PPM1K: variants seen among roughly 807,000 people sequenced by gnomAD.
The protein encoded by PPM1K is protein phosphatase, Mg2+/Mn2+ dependent 1K.
In PPM1K, 19 loss-of-function variants were observed where a neutral mutation model predicts 32.6. The observed-to-expected ratio is 0.58, with a 90% CI of 0.41 to 0.86. PPM1K has a LOEUF of 0.86. Among genes scored for constraint, PPM1K ranks in the 40% least tolerant of loss-of-function variants. The pLI is 0.00. For missense variants in PPM1K, 362 were observed against 461.2 expected (o/e 0.78, Z 1.97); for synonymous variants, 159 against 165.3 (o/e 0.96, Z 0.29).
chr4:88,268,402 C>G, intron 4 of PPM1K, 68 bp from the exon 5 acceptor site: 1 of 1,564,674 alleles, frequency 6.4e-7, no homozygotes, highest in Non-Finnish European at 8.8e-7. Context: ...GAGGGCAGAT[C>G]ACGAGGTCAG....
chr4:88,272,099 G>A (rs1731580594), intron 3 of PPM1K, among the ~76,000 whole-genome samples: 1 of 152,112 alleles, frequency 6.6e-6, no homozygotes, highest in Non-Finnish European at 1.5e-5. Flanking sequence ...ACTCAATTGT[G>A]TAAATAATAC....
chr4:88,272,803 T>C (rs1186615565), intron 3 of PPM1K, among the ~76,000 whole-genome samples: 2 of 152,236 alleles, frequency 1.3e-5, no homozygotes, highest in Non-Finnish European at 2.9e-5. Flanking sequence ...ATTTTGATTT[T>C]ATTCTTTTCA....
chr4:88,262,854 C>G (rs77965104), intron 6 of PPM1K, 128 bp from the exon 7 acceptor site: 12,150 of 901,444 alleles, frequency 0.013, 125 homozygotes, highest in African/African-American at 0.031. Context: ...TGTGCAGTTA[C>G]TAACCTACTT....
At chr4:88,275,322 T>C in intron 3 of PPM1K, 1 of 956,422 alleles carries the variant, frequency 1.0e-6, no homozygotes, top group Non-Finnish European at 1.2e-6. Flanking sequence ...AATTACATTT[T>C]TGTGATTAAT....
At chr4:88,267,577 A>G (rs377483449) in intron 5 of PPM1K, among the ~76,000 whole-genome samples, 1 of 152,258 alleles carries the variant, frequency 6.6e-6, no homozygotes, top group African/African-American at 2.4e-5. Flanking sequence ...AAGTCAAGTC[A>G]CTGAAAAGGC....
intron 2 of PPM1K, 175 bp from the exon 3 acceptor site, chr4:88,277,418 T>C: frequency 1.8e-6 from 1 of 566,230 alleles, no homozygotes; most frequent in East Asian, 2.9e-5. Flanking sequence ...TATCAGGCAC[T>C]GTGATAAGCT....
chr4:88,276,892 A>G, intron 3 of PPM1K: 7 of 897,848 alleles, frequency 7.8e-6, no homozygotes, highest in Non-Finnish European at 1.0e-5. Flanking sequence ...GTACAACATC[A>G]GAACTGTTTC....
chr4:88,273,657 G>C (rs1731649009), intron 3 of PPM1K, among the ~76,000 whole-genome samples: 1 of 151,154 alleles, frequency 6.6e-6, no homozygotes, highest in Non-Finnish European at 1.5e-5. Flanking sequence ...CTCTAGCCTG[G>C]GAGACTAGAG....
chr4:88,276,628 T>C, intron 3 of PPM1K: 1 of 984,902 alleles, frequency 1.0e-6, no homozygotes, highest in Non-Finnish European at 1.2e-6. Context: ...AGAAAAATAT[T>C]TTCCTTCTAG....
Position 88,265,157 on chromosome 4 carries a change from T to TA in PPM1K, c.853-23dup, listed in dbSNP as rs538958746. 2.5e-6 allele frequency: 4 copies of TA among 1,613,754 alleles called. No individual in the cohort carries two copies. In the South Asian group the frequency reaches 4.4e-5, roughly 18 times the overall value. ...GTAACTGCAATCAGAACCAAATGCC[T>TA]ATGATTATAAGCTAGACTCTGCCTT... On this transcript the variant is annotated intron_variant, in intron 5 of 6. Coordinates refer to ENST00000608933, the MANE Select transcript of PPM1K (RefSeq NM_152542.5).
At chr4:88,269,426 G>A (rs1228091941) in intron 3 of PPM1K, among the ~76,000 whole-genome samples, 1 of 152,128 alleles carries the variant, frequency 6.6e-6, no homozygotes, top group Non-Finnish European at 1.5e-5. Context: ...CATGCCAAGG[G>A]TATACCATTT....
intron 3 of PPM1K, among the ~76,000 whole-genome samples, chr4:88,273,733 T>C (rs1201320540): frequency 6.6e-6 from 1 of 150,856 alleles, no homozygotes; most frequent in Non-Finnish European, 1.5e-5. Flanking sequence ...GCATGTTCAA[T>C]ATGTTCCATC....
intron 6 of PPM1K, among the ~76,000 whole-genome samples, chr4:88,264,745 G>A (rs1287605929): frequency 6.6e-6 from 1 of 152,170 alleles, no homozygotes; most frequent in Non-Finnish European, 1.5e-5. Context: ...CACATAGCAA[G>A]TGAATATTAG....
At chr4:88,269,138 C>A (rs1185222111) in intron 3 of PPM1K, among the ~76,000 whole-genome samples, 1 of 152,182 alleles carries the variant, frequency 6.6e-6, no homozygotes, top group Non-Finnish European at 1.5e-5. Context: ...AGGTTGCTAA[C>A]CTTATTTGGC....
At chr4:88,282,839 C>T (rs1018996585) in intron 1 of PPM1K, among the ~76,000 whole-genome samples, 26 of 152,282 alleles carry the variant, frequency 1.7e-4, no homozygotes, top group African/African-American at 5.5e-4. Context: ...AGACTATATC[C>T]CAAACCTGTA....
At chr4:88,277,315 G>C in intron 2 of PPM1K, 72 bp from the exon 3 acceptor site, 1 of 1,012,664 alleles carries the variant, frequency 9.9e-7, no homozygotes, top group Non-Finnish European at 1.5e-6. Flanking sequence ...TGTTACTCTA[G>C]CTAGCAGTCA....
intron 3 of PPM1K, chr4:88,276,617 C>G: frequency 4.1e-6 from 4 of 984,864 alleles, no homozygotes; most frequent in Non-Finnish European, 4.8e-6. Context: ...TAAGAAGTGA[C>G]AGAAAAATAT....
chr4:88,278,036 C>T lies in PPM1K; in HGVS notation c.440+108G>A. ...TGCTCATTCGTGAAGCAGCAGCATG[C>T]AACCACTCAAGTAACTATGTTTACG... On this transcript the variant is annotated intron_variant, in intron 2 of 6. Coordinates refer to ENST00000608933, the MANE Select transcript of PPM1K (RefSeq NM_152542.5). This position sits in a 1 kb window ranked among gnomAD's most constrained non-coding sequence, Gnocchi z 4.2. 1.2e-6 allele frequency: 1 copy of T among 844,554 alleles called. No homozygotes were observed. The highest frequency in any genetic ancestry group is 1.8e-5 in the South Asian group (1 of 56,358). 52.3% of individuals were successfully genotyped at this position (844,554 alleles called of 1,614,324 possible).
rs761580692 is a variant in PPM1K at position 88,268,243 on chromosome 4, A to G, written c.799T>C (p.Leu267=). ...RLAMTRSIGD[L]DLKTSGVIAE... is the part of the protein sequence containing the mutation. ...ATGACACCACTGGTCTTAAGGTCCA[A>G]ATCTCCAATACTTCTTGTCATTGCA... The change falls in exon 5 of 7, where the codon TTG becomes CTG. Residue 267 remains leucine (L), a synonymous_variant. Coordinates refer to ENST00000608933, the MANE Select transcript of PPM1K (RefSeq NM_152542.5). The G allele has an allele frequency of 6.2e-7, 1 of 1,614,126 alleles. No individual in the cohort carries two copies.
Sources: allele counts gnomAD v4.1 joint callset (sites outside exome capture counted in the v4.1 genomes callset), GRCh38; gene constraint gnomAD v4.1.1; non-coding constraint Gnocchi (gnomAD v3.1); transcripts MANE v1.5; gene names NCBI Gene and HGNC (gene_info 2026-07-23, HGNC 2026-07-21).